The following KCNQ2 variants were observed in gnomAD, a reference collection of about 807,000 sequenced individuals.
The protein encoded by KCNQ2 is potassium voltage-gated channel subfamily Q member 2.
Under a neutral mutation model 84.8 loss-of-function variants are expected in KCNQ2, and 14 were observed. The observed-to-expected ratio is 0.17, with a 90% CI of 0.11 to 0.26. The LOEUF (loss-of-function observed/expected upper bound fraction) is 0.26. KCNQ2 is among the 10% of genes least tolerant of loss of function. KCNQ2 has a pLI of 1.00. For synonymous variants in KCNQ2, 599 were observed against 554.1 expected (o/e 1.08, Z -1.14); for missense variants, 788 against 1,254.0 (o/e 0.63, Z 5.61).
At chr20:63,449,583 G>A (rs574612290) in intron 1 of KCNQ2, among the ~76,000 whole-genome samples, 1 of 152,160 alleles carries the variant, frequency 6.6e-6, no homozygotes, top group East Asian at 1.9e-4. Context: ...TGCCTGGTGG[G>A]AAGAGGACCC....
In KCNQ2 at chr20:63,443,102, CCAT is replaced by C. The variant is rs1600774533; in HGVS notation, c.691-574_691-572del. Among the ~76,000 whole-genome samples the C allele has an allele frequency of 2.7e-4, 27 of 99,140 alleles. 1 individual carries two copies. The highest frequency in any genetic ancestry group is 1.1e-3 in the East Asian group (3 of 2,708). The allele number at this position is 99,140 out of a possible 152,430, so 65.0% of individuals were successfully genotyped here. Reference sequence around the variant, plus strand: ...ACCACCACCATTATCACCACCATCACCATCACCACCACCACTATCACCACCACC... The same window carrying C: ...ACCACCACCATTATCACCACCATCACCACCACCACCACTATCACCACCACC... On this transcript the variant is annotated intron_variant, in intron 4 of 16. Coordinates refer to ENST00000359125, the MANE Select transcript of KCNQ2 (RefSeq NM_172107.4).
In KCNQ2 at chr20:63,411,922, A is replaced by G. The variant is rs1199993860; in HGVS notation, c.1763+1528T>C. The G allele has an allele frequency of 2.5e-5, 18 of 711,792 alleles. No individual in the cohort carries two copies. The East Asian group carries it at 4.9e-4, about 19-fold the overall frequency. 44.1% of individuals were successfully genotyped at this position (711,792 alleles called of 1,614,324 possible). A position where few individuals can be genotyped will look rare whatever the true frequency, so the allele number is the denominator to read the frequency against. On this transcript the variant is annotated intron_variant, in intron 15 of 16. Coordinates refer to ENST00000359125, the MANE Select transcript of KCNQ2 (RefSeq NM_172107.4). ...AAGAAAAGAGACACCGGCGAAACGC[A>G]TCGTAAAGCCACAGGAAATGAGGAG...
intron 15 of KCNQ2, chr20:63,413,216 C>G (rs2080176733): frequency 1.8e-6 from 1 of 569,586 alleles, no homozygotes; most frequent in Non-Finnish European, 3.3e-6. Context: ...GACCCACACA[C>G]ACAGGTGCAC....
chr20:63,443,430 C>T (rs1466970587), intron 4 of KCNQ2, among the ~76,000 whole-genome samples: 482 of 42,954 alleles, frequency 0.011, no homozygotes, highest in East Asian at 0.068. Flanking sequence ...ACCATCATCA[C>T]CATCACCATC....
At chr20:63,435,780 T>G (rs1396026248) in intron 7 of KCNQ2, among the ~76,000 whole-genome samples, 1 of 152,222 alleles carries the variant, frequency 6.6e-6, no homozygotes, top group Non-Finnish European at 1.5e-5. Context: ...GTTTTCAGCC[T>G]CAGAGCCAGT....
Position 63,438,811 on chromosome 20 carries a change from C to G in KCNQ2, c.928-91G>C. On this transcript the variant is annotated intron_variant, in intron 6 of 16. Transcript: ENST00000359125. This position sits in a 1 kb window ranked among gnomAD's most constrained non-coding sequence, Gnocchi z 5.1. ...CCATGCTCTGGGGCCCCACACCCCC[C>G]CCAATTCATCAGGGTCAGACCACAC... is the stretch of plus-strand genomic sequence containing the variant. The G allele has an allele frequency of 1.0e-6, 1 of 953,358 alleles. No homozygotes were observed. Among genetic ancestry groups the G allele is most frequent in the South Asian group, 1.3e-5 (1 of 75,636 alleles). 59.1% of individuals were successfully genotyped at this position (953,358 alleles called of 1,614,324 possible). A position where few individuals can be genotyped will look rare whatever the true frequency, so the allele number is the denominator to read the frequency against.
intron 1 of KCNQ2, among the ~76,000 whole-genome samples, chr20:63,447,755 A>G (rs994967152): frequency 6.6e-6 from 1 of 151,958 alleles, no homozygotes; most frequent in African/African-American, 2.4e-5. Context: ...CCACCACACC[A>G]GGCTAATTTT....
At chr20:63,437,086 A>G (rs372687835) in intron 7 of KCNQ2, among the ~76,000 whole-genome samples, 2 of 152,282 alleles carry the variant, frequency 1.3e-5, no homozygotes, top group African/African-American at 4.8e-5. Flanking sequence ...GCCTGTAAAC[A>G]TAACTTCCAT....
chr20:63,441,607 G>A lies in KCNQ2; in HGVS notation c.816+799C>T, dbSNP rs114608461. 4.7e-3 allele frequency among the ~76,000 whole-genome samples: 713 copies of A among 152,138 alleles called. 5 individuals carry two copies. Among genetic ancestry groups the A allele is most frequent in the African/African-American group, 0.016 (682 of 41,506 alleles). On this transcript the variant is annotated intron_variant, in intron 5 of 16. Transcript: ENST00000359125. ...GGGCCCAGCAGTCACAGCTCAGGAC[G>A]CCCCGGGCCCCACCCTGACCCTGTG...
In KCNQ2 at chr20:63,446,525, G is replaced by A. The variant is rs2081431038; in HGVS notation, c.387+222C>T. The stretch of plus-strand genomic sequence containing the variant: ...GCTGTCAGCCACTGTGAGGTCACCA[G>A]GAGGGGTGAGGTGAGGGCTGAGTTA... On this transcript the variant is annotated intron_variant, in intron 2 of 16. Coordinates refer to ENST00000359125, the MANE Select transcript of KCNQ2 (RefSeq NM_172107.4). The surrounding 1 kb of genome is among the most constrained non-coding windows in gnomAD (Gnocchi z 5.5). Among the ~76,000 whole-genome samples, 2 of 152,304 alleles carry A rather than the reference G, an allele frequency of 1.3e-5. No homozygotes were observed. The highest frequency in any genetic ancestry group is 4.1e-4 in the South Asian group (2 of 4,830).
rs747158839 is a variant in KCNQ2, at chr20:63,428,425, G to C, written c.1159C>G (p.Pro387Ala). ...CTCAGCAGCTCCAGCTGGTTCAGCG[G>C]GGGGATAAGTCTGGGGCAAGAGAAG... is the stretch of plus-strand genomic sequence containing the variant. ...QTYGASRLIP[P>A]LNQLELLRNL... Residue 387 changes from proline (P) to alanine (A), a missense_variant, in exon 10 of 17, where the codon CCG (proline) becomes GCG (alanine). Pro to Ala is a conservative substitution (Grantham distance 27). Transcript: ENST00000359125. 2 of 1,589,870 alleles carry C rather than the reference G, an allele frequency of 1.3e-6. No homozygotes were observed. Among genetic ancestry groups the C allele is most frequent in the Non-Finnish European group, 1.7e-6 (2 of 1,168,730 alleles).
intron 1 of KCNQ2, among the ~76,000 whole-genome samples, chr20:63,461,466 T>C (rs1428853661): frequency 6.6e-6 from 1 of 152,096 alleles, no homozygotes; most frequent in Non-Finnish European, 1.5e-5. Flanking sequence ...GCCAAGCCCC[T>C]GACTCTATGG....
In KCNQ2 at chr20:63,407,400, G is replaced by A; in HGVS notation, c.1888-25C>T. ...CCTGCAAAAGGGGCTGCTGGGCTGG[G>A]GTGCGAGGGCCCGTCCCAGGAGATG... On this transcript the variant is annotated intron_variant, in intron 16 of 16. Transcript: ENST00000359125. This position sits in a 1 kb window ranked among gnomAD's most constrained non-coding sequence, Gnocchi z 7.2. The A allele has an allele frequency of 6.3e-7, 1 of 1,597,114 alleles. No individual in the cohort carries two copies. The highest frequency in any genetic ancestry group is 8.5e-7 in the Non-Finnish European group (1 of 1,179,264).
chr20:63,468,756 G>A (rs2145904411), intron 1 of KCNQ2, among the ~76,000 whole-genome samples: 1 of 152,390 alleles, frequency 6.6e-6, no homozygotes, highest in East Asian at 1.9e-4. Context: ...CCCGGTGCCA[G>A]ATTTCCCATC....
At chr20:63,442,908 CCAT>C (rs1568935150) in intron 4 of KCNQ2, among the ~76,000 whole-genome samples, 72 of 15,594 alleles carry the variant, frequency 4.6e-3, no homozygotes, top group African/African-American at 6.7e-3. Context: ...ATCACCACCA[CCAT>C]CACCATCACC....
At chr20:63,442,105 G>A (rs2081177000) in intron 5 of KCNQ2, among the ~76,000 whole-genome samples, 1 of 152,188 alleles carries the variant, frequency 6.6e-6, no homozygotes, top group Admixed American at 6.5e-5. Flanking sequence ...ATCGGGACAC[G>A]GAGCAGGTGG....
At chr20:63,451,137 C>CAAAAA (rs58922723) in intron 1 of KCNQ2, among the ~76,000 whole-genome samples, 1 of 110,044 alleles carries the variant, frequency 9.1e-6, no homozygotes. Context: ...GACTCTGTCC[C>CAAAAA]AAAAAAAAAA....
chr20:63,437,131 C>T (rs529852752), intron 7 of KCNQ2, among the ~76,000 whole-genome samples: 2 of 152,282 alleles, frequency 1.3e-5, no homozygotes, highest in South Asian at 4.1e-4. Flanking sequence ...GTGTGACTCG[C>T]TTTATTGCCG....
intron 8 of KCNQ2, 182 bp downstream of exon 8, chr20:63,433,627 C>A (rs927281252): frequency 9.4e-5 from 107 of 1,133,834 alleles, no homozygotes; most frequent in Non-Finnish European, 1.3e-4. Context: ...AAAGCCGCAG[C>A]TCTAACACAA....
Sources: allele counts gnomAD v4.1 joint callset (sites outside exome capture counted in the v4.1 genomes callset), GRCh38; gene constraint gnomAD v4.1.1; non-coding constraint Gnocchi (gnomAD v3.1); transcripts MANE v1.5; gene names NCBI Gene and HGNC (gene_info 2026-07-23, HGNC 2026-07-21).